GIGYF2: variants seen among roughly 807,000 people sequenced by gnomAD.
GIGYF2 encodes GRB10-interacting GYF protein 2.
In GIGYF2, 25 loss-of-function variants were observed where a neutral mutation model predicts 208.1. The observed-to-expected ratio is 0.12, with a 90% CI of 0.09 to 0.17. The LOEUF is 0.17. Among genes scored for constraint, GIGYF2 ranks in the 10% least tolerant of loss-of-function variants. The pLI, the probability that GIGYF2 is intolerant of heterozygous loss-of-function variation, is 1.00. For missense variants in GIGYF2, 1,302 were observed against 1,579.4 expected (o/e 0.82, Z 2.98); for synonymous variants, 534 against 543.8 (o/e 0.98, Z 0.25).
chr2:232,836,331 C>A (rs2344616), intron 22 of GIGYF2, among the ~76,000 whole-genome samples: 3,230 of 14,796 alleles, frequency 0.22, 772 homozygotes, highest in African/African-American at 0.46. Context: ...TATATATATA[C>A]ATATATATAC....
At chr2:232,707,290 C>G (rs967117726) in intron 2 of GIGYF2, among the ~76,000 whole-genome samples, 1 of 152,138 alleles carries the variant, frequency 6.6e-6, no homozygotes, top group Non-Finnish European at 1.5e-5. Flanking sequence ...CTGGTCTCTT[C>G]AGTATTGGTC....
At position 232,858,658 on chromosome 2, in the gene GIGYF2, G is replaced by A; in HGVS notation, c.*1798G>A. The stretch of plus-strand genomic sequence containing the variant: ...GTGCACCTCTTGTACTCACCTTTAT[G>A]GAGGCTGAGTTCTGCACTAAACTGT... On this transcript the variant is annotated 3_prime_UTR_variant, in exon 29 of 29. Transcript: ENST00000373563. 2.3e-6 allele frequency: 1 copy of A among 429,708 alleles called. No homozygotes were observed. Among genetic ancestry groups the A allele is most frequent in the South Asian group, 1.7e-5 (1 of 60,350 alleles). The allele number at this position is 429,708 out of a possible 1,614,324, so 26.6% of individuals were successfully genotyped here.
At chr2:232,824,890 A>G (rs879637972) in intron 21 of GIGYF2, among the ~76,000 whole-genome samples, 2 of 152,228 alleles carry the variant, frequency 1.3e-5, no homozygotes, top group Admixed American at 1.3e-4. Flanking sequence ...AATTGAAGCC[A>G]GTGCTCATTT....
intron 26 of GIGYF2, 89 bp from the exon 27 acceptor site, chr2:232,847,259 A>G: frequency 7.8e-7 from 1 of 1,287,644 alleles, no homozygotes; most frequent in Non-Finnish European, 1.1e-6. Flanking sequence ...GATTAGGTAT[A>G]AAGATACATT....
intron 8 of GIGYF2, among the ~76,000 whole-genome samples, chr2:232,784,212 A>G (rs1031870047): frequency 2.0e-5 from 3 of 152,100 alleles, no homozygotes; most frequent in African/African-American, 7.2e-5. Context: ...GCCCTTCTAC[A>G]TAATTTACTA....
intron 2 of GIGYF2, among the ~76,000 whole-genome samples, chr2:232,721,446 T>G (rs1696939181): frequency 6.6e-6 from 1 of 152,220 alleles, no homozygotes; most frequent in South Asian, 2.1e-4. Context: ...AATCTTACCT[T>G]TCCTTTAGCC....
In GIGYF2 at chr2:232,850,299, C is replaced by T. The variant is rs749572466; in HGVS notation, c.3722C>T (p.Ser1241Leu). The T allele has an allele frequency of 3.7e-6, 6 of 1,613,210 alleles. No individual in the cohort carries two copies. The highest frequency in any genetic ancestry group is 4.2e-6 in the Non-Finnish European group (5 of 1,179,192). ...GGGATGAACCACAGTACACTCCATT[C>T]AGTATTTCAGACCAATCAAAGCAAC... ...VWGMNHSTLH[S>L]VFQTNQSNNQ... Residue 1241 changes from serine (S) to leucine (L), a missense_variant, in exon 28 of 29, where the codon TCA becomes TTA. Coordinates refer to ENST00000373563, the MANE Select transcript of GIGYF2 (RefSeq NM_001103146.3).
chr2:232,709,638 G>A (rs1226203957), intron 2 of GIGYF2, among the ~76,000 whole-genome samples: 1 of 151,894 alleles, frequency 6.6e-6, no homozygotes, highest in East Asian at 1.9e-4. Context: ...GTGAAACCCC[G>A]TCTCTACTAA....
Position 232,810,144 on chromosome 2 carries a change from C to A in GIGYF2, c.1898+333C>A, listed in dbSNP as rs7583593. ...CTGGGACTACAGGCGTGTGCCACCA[C>A]GCCCAGCCTATTTTTGTATTTTTAG... On this transcript the variant is annotated intron_variant, in intron 16 of 28. Coordinates refer to ENST00000373563, the MANE Select transcript of GIGYF2 (RefSeq NM_001103146.3). Among the ~76,000 whole-genome samples, 871 of 152,308 alleles carry A rather than the reference C, an allele frequency of 5.7e-3. 3 individuals are homozygous for A. Among genetic ancestry groups the A allele is most frequent in the African/African-American group, 0.02 (830 of 41,566 alleles).
chr2:232,790,465 A>C (rs1219216226), intron 9 of GIGYF2, among the ~76,000 whole-genome samples: 1 of 152,114 alleles, frequency 6.6e-6, no homozygotes, highest in Non-Finnish European at 1.5e-5. Context: ...TTATCTTTTA[A>C]AGCTTTAGAG....
intron 22 of GIGYF2, among the ~76,000 whole-genome samples, chr2:232,833,635 A>T (rs1214512435): frequency 2.6e-5 from 4 of 152,214 alleles, no homozygotes; most frequent in Non-Finnish European, 5.9e-5. Context: ...TGTAAATTTA[A>T]TGTGGCTCAG....
At chr2:232,772,320 T>C (rs1699300149) in intron 8 of GIGYF2, among the ~76,000 whole-genome samples, 1 of 152,188 alleles carries the variant, frequency 6.6e-6, no homozygotes, top group South Asian at 2.1e-4. Context: ...TTGCATATTC[T>C]AGGCTCTGAT....
intron 3 of GIGYF2, among the ~76,000 whole-genome samples, chr2:232,746,070 C>T (rs775063173): frequency 2.0e-5 from 3 of 151,730 alleles, no homozygotes; most frequent in Non-Finnish European, 4.4e-5. Flanking sequence ...CTAGGTTGGG[C>T]AATATAGTGA....
At chr2:232,844,753 AT>A (rs1374960788) in intron 25 of GIGYF2, among the ~76,000 whole-genome samples, 179 bp downstream of exon 25, 1 of 152,208 alleles carries the variant, frequency 6.6e-6, no homozygotes, top group Non-Finnish European at 1.5e-5. Context: ...ATAGAAACAC[AT>A]TCGTATTATT....
chr2:232,822,462 C>T (rs901981205), intron 21 of GIGYF2, among the ~76,000 whole-genome samples: 1 of 152,220 alleles, frequency 6.6e-6, no homozygotes, highest in East Asian at 1.9e-4. Context: ...GCGGGCAGAT[C>T]ACGAAGTCAG....
chr2:232,783,935 G>T (rs1699809917), intron 8 of GIGYF2, among the ~76,000 whole-genome samples: 1 of 152,092 alleles, frequency 6.6e-6, no homozygotes, highest in South Asian at 2.1e-4. Flanking sequence ...TGATCCGCCC[G>T]CCTCGGCCTC....
intron 21 of GIGYF2, among the ~76,000 whole-genome samples, chr2:232,823,457 A>G (rs1701159849): frequency 6.6e-6 from 1 of 150,696 alleles, no homozygotes; most frequent in African/African-American, 2.4e-5. Context: ...TGCTCAGTCA[A>G]GCCTCCCACC....
chr2:232,823,848 C>T (rs1173630660), intron 21 of GIGYF2, among the ~76,000 whole-genome samples: 1 of 152,178 alleles, frequency 6.6e-6, no homozygotes, highest in African/African-American at 2.4e-5. Context: ...TCATTTTTTA[C>T]GAATTGAAGG....
At chr2:232,843,750 C>G (rs920934674) in intron 23 of GIGYF2, among the ~76,000 whole-genome samples, 1 of 152,058 alleles carries the variant, frequency 6.6e-6, no homozygotes, top group African/African-American at 2.4e-5. Context: ...TGGCTTGAAC[C>G]TGGGAGGCGG....
Sources: gnomAD v4.1 joint callset for allele counts (sites outside exome capture counted in the v4.1 genomes callset) on GRCh38, gnomAD v4.1.1 for gene constraint, MANE v1.5 for transcripts, NCBI Gene and HGNC (gene_info 2026-07-23, HGNC 2026-07-21) for gene names.